Variants in HPSE2 observed in about 807,000 individuals in gnomAD.
The protein encoded by HPSE2 is heparanase 2 (inactive).
Under a neutral mutation model 60.5 loss-of-function variants are expected in HPSE2, and 38 were observed. The observed-to-expected ratio is 0.63, with a 90% confidence interval of 0.48 to 0.82. The LOEUF is 0.82. HPSE2 is among the 40% of genes least tolerant of loss of function. The pLI is 0.00. For synonymous variants in HPSE2, 295 were observed against 293.2 expected (o/e 1.01, Z -0.06); for missense variants, 713 against 740.4 (o/e 0.96, Z 0.43).
chr10:98,518,615 G>C (rs1223820856), intron 9 of HPSE2, among the ~76,000 whole-genome samples: 1 of 151,996 alleles, frequency 6.6e-6, no homozygotes, highest in East Asian at 1.9e-4. Context: ...GCTGAGGCAG[G>C]AGAATCGCTT....
At chr10:98,937,122 G>C (rs1954822882) in intron 3 of HPSE2, among the ~76,000 whole-genome samples, 1 of 143,756 alleles carries the variant, frequency 7.0e-6, no homozygotes, top group Non-Finnish European at 1.5e-5. Flanking sequence ...GGCTGAGTAG[G>C]AACAGCTCTG....
chr10:98,783,015 G>A (rs1589820575), intron 3 of HPSE2, among the ~76,000 whole-genome samples: 1 of 104,936 alleles, frequency 9.5e-6, no homozygotes, highest in South Asian at 3.6e-4. Context: ...ATGTATACAT[G>A]TGCCATGCTG....
intron 2 of HPSE2, among the ~76,000 whole-genome samples, chr10:99,159,524 G>A (rs1442410131): frequency 6.6e-6 from 1 of 152,156 alleles, no homozygotes; most frequent in Non-Finnish European, 1.5e-5. Flanking sequence ...TAAAACTGGT[G>A]AAATATGAAT....
chr10:99,227,869 ATG>A (rs34836739), intron 2 of HPSE2, among the ~76,000 whole-genome samples: 73,466 of 141,998 alleles, frequency 0.52, 20,778 homozygotes, highest in Non-Finnish European at 0.64. Context: ...ATGTGTATAT[ATG>A]TGTGTGTGTG....
intron 9 of HPSE2, among the ~76,000 whole-genome samples, chr10:98,597,096 C>G (rs546029886): frequency 6.6e-6 from 1 of 152,068 alleles, no homozygotes; most frequent in African/African-American, 2.4e-5. Context: ...TGAGAACTTA[C>G]TCACTATCAT....
At chr10:98,753,802 T>C (rs753649271) in intron 3 of HPSE2, among the ~76,000 whole-genome samples, 1 of 152,166 alleles carries the variant, frequency 6.6e-6, no homozygotes, top group Non-Finnish European at 1.5e-5. Flanking sequence ...ATCCAGCTTA[T>C]ACCACAGTCA....
chr10:98,534,398 T>C (rs1316408474), intron 9 of HPSE2, among the ~76,000 whole-genome samples: 1 of 148,390 alleles, frequency 6.7e-6, no homozygotes, highest in African/African-American at 2.5e-5. Context: ...ACTTTATTCA[T>C]TAGAATTTTT....
intron 3 of HPSE2, among the ~76,000 whole-genome samples, chr10:99,077,174 T>G (rs1423937769): frequency 6.6e-6 from 1 of 152,212 alleles, no homozygotes; most frequent in African/African-American, 2.4e-5. Flanking sequence ...TTGACTACAT[T>G]GTGTCTTGGT....
At chr10:98,494,431 TAAGG>T (rs1436286624) in intron 9 of HPSE2, among the ~76,000 whole-genome samples, 1 of 152,158 alleles carries the variant, frequency 6.6e-6, no homozygotes, top group Non-Finnish European at 1.5e-5. Context: ...CACTTTTAAA[TAAGG>T]AAGAGGAACA....
At chr10:99,125,668 A>G (rs559388767) in intron 3 of HPSE2, among the ~76,000 whole-genome samples, 2 of 152,246 alleles carry the variant, frequency 1.3e-5, no homozygotes, top group African/African-American at 4.8e-5. Flanking sequence ...GGGGGAAAAC[A>G]TGCCTCTGAA....
intron 3 of HPSE2, among the ~76,000 whole-genome samples, chr10:98,920,809 C>T (rs1954260621): frequency 6.6e-6 from 1 of 152,196 alleles, no homozygotes; most frequent in African/African-American, 2.4e-5. Context: ...TAATCATAGT[C>T]TGCTCTTTGA....
At chr10:98,797,564 C>A (rs1950804756) in intron 3 of HPSE2, among the ~76,000 whole-genome samples, 1 of 152,028 alleles carries the variant, frequency 6.6e-6, no homozygotes, top group Non-Finnish European at 1.5e-5. Flanking sequence ...TGAGGGTAAG[C>A]CGGGCGCAGT....
intron 3 of HPSE2, among the ~76,000 whole-genome samples, chr10:98,808,984 C>T (rs1367193539): frequency 6.6e-6 from 1 of 152,112 alleles, no homozygotes; most frequent in East Asian, 1.9e-4. Flanking sequence ...AGCTAATTTA[C>T]AGATTTTAAC....
At chr10:98,739,016 T>C (rs941503528) in intron 4 of HPSE2, among the ~76,000 whole-genome samples, 1 of 152,184 alleles carries the variant, frequency 6.6e-6, no homozygotes, top group Non-Finnish European at 1.5e-5. Context: ...TAAAGACACA[T>C]GCACACGTAT....
intron 9 of HPSE2, among the ~76,000 whole-genome samples, chr10:98,523,902 AC>A (rs1021016958): frequency 2.0e-5 from 3 of 152,200 alleles, no homozygotes; most frequent in African/African-American, 7.2e-5. Context: ...AAAGATATAA[AC>A]AAAAATTTCA....
intron 2 of HPSE2, among the ~76,000 whole-genome samples, chr10:99,152,278 T>C (rs1213646590): frequency 4.0e-5 from 6 of 149,474 alleles, no homozygotes; most frequent in Non-Finnish European, 8.9e-5. Flanking sequence ...ACCACTGCAC[T>C]TCGGCCTGGA....
intron 1 of HPSE2, among the ~76,000 whole-genome samples, chr10:99,233,910 C>A (rs1314493588): frequency 6.6e-6 from 1 of 152,184 alleles, no homozygotes; most frequent in Non-Finnish European, 1.5e-5. Flanking sequence ...GAATGCGCCC[C>A]GCCAGGACTT....
At chr10:99,300,821 T>C in the HPSE2 span, among the ~76,000 whole-genome samples, 1 of 152,212 alleles carries the variant, frequency 6.6e-6, no homozygotes, top group Non-Finnish European at 1.5e-5. Flanking sequence ...TAAAACCCAA[T>C]GTTAATTATT....
intron 3 of HPSE2, among the ~76,000 whole-genome samples, chr10:98,758,176 A>G (rs1268960675): frequency 6.6e-6 from 1 of 151,386 alleles, no homozygotes; most frequent in Non-Finnish European, 1.5e-5. Context: ...TCCACCATAT[A>G]AAAAATCAAC....
Sources: gnomAD v4.1 joint callset for allele counts (sites outside exome capture counted in the v4.1 genomes callset) on GRCh38, gnomAD v4.1.1 for gene constraint, MANE v1.5 for transcripts, NCBI Gene and HGNC (gene_info 2026-07-23, HGNC 2026-07-21) for gene names.